Variants in PEDS1 observed in about 807,000 individuals in gnomAD.
The protein encoded by PEDS1 is plasmanylethanolamine desaturase 1, also known as CarF homolog.
In PEDS1, 14 loss-of-function variants were observed where a neutral mutation model predicts 35.2. The ratio of observed to expected loss-of-function variants is 0.40; its 90% CI spans 0.26 to 0.62. The LOEUF (loss-of-function observed/expected upper bound fraction) is 0.62. Among genes scored for constraint, PEDS1 ranks in the 20% least tolerant of loss-of-function variants. The pLI is 0.44. For synonymous variants in PEDS1, 152 were observed against 152.0 expected (o/e 1.00, Z 0.00); for missense variants, 260 against 367.8 (o/e 0.71, Z 2.40).
intron 1 of PEDS1, among the ~76,000 whole-genome samples, chr20:50,153,036 G>C (rs969026503): frequency 6.6e-6 from 1 of 152,032 alleles, no homozygotes; most frequent in Non-Finnish European, 1.5e-5. Context: ...CAGGGCCTGG[G>C]CTAGGGCACA....
chr20:50,128,181 A>G lies in PEDS1; in HGVS notation c.485T>C (p.Leu162Pro). The stretch of plus-strand genomic sequence containing the variant: ...GCACTCCCAGGGGTATAGCTGCTCC[A>G]GGGCTTCTGCAGGTTGGGGAGAGGG... ...YKFRTHSPEA[L>P]EQLYPWECFV... Residue 162 changes from leucine (L) to proline (P), a missense_variant, in exon 5 of 6, where the codon CTG becomes CCG. Physicochemically the swap from Leu to Pro is moderately conservative, Grantham distance 98. Coordinates refer to ENST00000371652, the MANE Select transcript of PEDS1 (RefSeq NM_199129.4). This position sits in a 1 kb window ranked among gnomAD's most constrained non-coding sequence, Gnocchi z 5.2. 1 of 1,613,986 alleles carries G rather than the reference A, an allele frequency of 6.2e-7. No individual in the cohort carries two copies. The highest frequency in any genetic ancestry group is 1.6e-4 in the Middle Eastern group (1 of 6,062).
At chr20:50,146,948 A>G (rs1382601205) in intron 1 of PEDS1, among the ~76,000 whole-genome samples, 4 of 152,080 alleles carry the variant, frequency 2.6e-5, no homozygotes, top group Non-Finnish European at 5.9e-5. Context: ...TCTTGTTTGT[A>G]GCCAAGGCCC....
At chr20:50,149,459 C>T (rs1200247940) in intron 1 of PEDS1, among the ~76,000 whole-genome samples, 4 of 152,124 alleles carry the variant, frequency 2.6e-5, no homozygotes, top group Non-Finnish European at 5.9e-5. Flanking sequence ...CCCGCCTCAC[C>T]CTCTGGCCTG....
At chr20:50,144,520 G>C (rs897833899) in intron 1 of PEDS1, among the ~76,000 whole-genome samples, 24 of 152,356 alleles carry the variant, frequency 1.6e-4, no homozygotes, top group Non-Finnish European at 2.2e-4. Context: ...CCCAAGAGGA[G>C]CCAGAAGTCA....
intron 2 of PEDS1, among the ~76,000 whole-genome samples, chr20:50,138,464 G>A (rs533983249): frequency 7.2e-5 from 11 of 152,308 alleles, no homozygotes; most frequent in African/African-American, 1.9e-4. Context: ...TAAAGGGCCC[G>A]GTGGGTCCCA....
intron 2 of PEDS1, among the ~76,000 whole-genome samples, chr20:50,133,680 G>T (rs918506798): frequency 1.3e-5 from 2 of 152,174 alleles, no homozygotes. Context: ...GCTCCTCCTC[G>T]GCCTTCTTGC....
intron 1 of PEDS1, among the ~76,000 whole-genome samples, chr20:50,150,100 G>C (rs1601236301): frequency 6.6e-6 from 1 of 152,176 alleles, no homozygotes; most frequent in Non-Finnish European, 1.5e-5. Context: ...GCATGCCTGG[G>C]GTGGGGGTTG....
chr20:50,126,407 C>A (rs565244740), intron 5 of PEDS1, among the ~76,000 whole-genome samples: 1 of 152,188 alleles, frequency 6.6e-6, no homozygotes, highest in East Asian at 1.9e-4. Context: ...ATTCTAATCC[C>A]TCCACCTGCC....
At chr20:50,146,335 T>C (rs999565358) in intron 1 of PEDS1, among the ~76,000 whole-genome samples, 2 of 152,092 alleles carry the variant, frequency 1.3e-5, no homozygotes, top group Non-Finnish European at 2.9e-5. Context: ...TGCTCATGCC[T>C]GTGGCCTTGT....
intron 2 of PEDS1, among the ~76,000 whole-genome samples, chr20:50,136,858 G>A (rs1021821190): frequency 1.3e-5 from 2 of 151,900 alleles, no homozygotes; most frequent in African/African-American, 2.4e-5. Context: ...GCAACACAGC[G>A]AAACCCTGTC....
intron 1 of PEDS1, among the ~76,000 whole-genome samples, chr20:50,149,039 G>T (rs2081374795): frequency 6.6e-6 from 1 of 152,260 alleles, no homozygotes; most frequent in East Asian, 1.9e-4. Flanking sequence ...TTTGAGCTCA[G>T]AAGTTTTGGG....
rs938727901 is a variant in PEDS1, at chr20:50,142,691, C to CT, written c.241+810_241+811insA. On this transcript the variant is annotated intron_variant, in intron 2 of 5. Transcript: ENST00000371652. ...TGACCTCAAGTCATCCGCCCCCCCC[C>CT]CCCCGCCCCAACGGCCTCCCACAGT... Among the ~76,000 whole-genome samples the CT allele has an allele frequency of 2.2e-4, 22 of 100,620 alleles. 2 individuals are homozygous for CT. The East Asian group carries it at 7.3e-3, about 33-fold the overall frequency. 66.0% of individuals were successfully genotyped at this position (100,620 alleles called of 152,430 possible). A position where few individuals can be genotyped will look rare whatever the true frequency, so the allele number is the denominator to read the frequency against.
At position 50,124,852 on chromosome 20, in the gene PEDS1, A is replaced by AG; in HGVS notation, c.*205dup. 1 of 570,930 alleles carries AG rather than the reference A, an allele frequency of 1.8e-6. No homozygotes were observed. The highest frequency in any genetic ancestry group is 2.9e-6 in the Non-Finnish European group (1 of 341,880). The allele number at this position is 570,930 out of a possible 1,614,324, so 35.4% of individuals were successfully genotyped here. On this transcript the variant is annotated 3_prime_UTR_variant, in exon 6 of 6. Coordinates refer to ENST00000371652, the MANE Select transcript of PEDS1 (RefSeq NM_199129.4). ...GATAGAGCAACTCAGGTGGCTGAGG[A>AG]GGGGCCGAGGAAAAAAAAAAAAAAG...
chr20:50,134,685 T>A (rs977261047), intron 2 of PEDS1, among the ~76,000 whole-genome samples: 1 of 152,208 alleles, frequency 6.6e-6, no homozygotes, highest in Non-Finnish European at 1.5e-5. Flanking sequence ...GGGCTCCTGA[T>A]GAGATGGGGA....
intron 2 of PEDS1, chr20:50,131,213 C>G (rs2081175702): frequency 1.4e-6 from 1 of 736,186 alleles, no homozygotes; most frequent in Non-Finnish European, 2.3e-6. Flanking sequence ...TCAGCTCAAC[C>G]TTTCCCTATT....
intron 1 of PEDS1, among the ~76,000 whole-genome samples, chr20:50,148,316 G>A (rs8120441): frequency 0.099 from 15,132 of 152,226 alleles, 2,408 homozygotes; most frequent in African/African-American, 0.34. Flanking sequence ...GGCAGGGCCT[G>A]TGGGGTCAAC....
Position 50,124,889 on chromosome 20 carries a change from C to A in PEDS1, c.*169G>T. 2.5e-6 allele frequency: 2 copies of A among 797,422 alleles called. No individual in the cohort carries two copies. Among genetic ancestry groups the A allele is most frequent in the Non-Finnish European group, 1.9e-6 (1 of 520,562 alleles). The allele number at this position is 797,422 out of a possible 1,614,324, so 49.4% of individuals were successfully genotyped here. ...AAAAAAAAAAAAAGAAATGAAAAAT[C>A]AGTGGCTCAAGTATTCTGTGTCATG... On this transcript the variant is annotated 3_prime_UTR_variant, in exon 6 of 6. Coordinates refer to ENST00000371652, the MANE Select transcript of PEDS1 (RefSeq NM_199129.4).
rs901183850 is a variant in PEDS1 at position 50,148,999 on chromosome 20, G to A, written c.121+4518C>T. Among the ~76,000 whole-genome samples the A allele has an allele frequency of 3.3e-5, 5 of 151,960 alleles. No individual in the cohort carries two copies. In the East Asian group the frequency reaches 5.8e-4, roughly 18 times the overall value. ...CGTGGTGGCTCACACCTGCAATCTC[G>A]GCACTTTGGAGGCTGAGGCGGGAGG... On this transcript the variant is annotated intron_variant, in intron 1 of 5. Transcript: ENST00000371652.
intron 1 of PEDS1, among the ~76,000 whole-genome samples, chr20:50,148,453 C>T (rs947135231): frequency 1.3e-5 from 2 of 152,176 alleles, no homozygotes; most frequent in Non-Finnish European, 2.9e-5. Flanking sequence ...TCAGAGCCAG[C>T]CCCTGGCTTG....
Sources: allele counts gnomAD v4.1 joint callset (sites outside exome capture counted in the v4.1 genomes callset), GRCh38; gene constraint gnomAD v4.1.1; non-coding constraint Gnocchi (gnomAD v3.1); transcripts MANE v1.5; gene names NCBI Gene and HGNC (gene_info 2026-07-23, HGNC 2026-07-21).